Variants in POSTN observed in about 807,000 individuals in gnomAD.
POSTN encodes osteoblast specific factor 2 (fasciclin I-like).
POSTN carries 71 observed loss-of-function variants against 104.5 expected under a neutral mutation model. The observed-to-expected ratio is 0.68, with a 90% CI of 0.56 to 0.83. The LOEUF is 0.83. Ranked by LOEUF, POSTN falls within the 40% of genes least tolerant of loss-of-function variation. POSTN has a pLI of 0.00. For missense variants in POSTN, 949 were observed against 1,006.8 expected (o/e 0.94, Z 0.78); for synonymous variants, 355 against 340.7 (o/e 1.04, Z -0.46).
Position 37,563,386 on chromosome 13 carries a change from G to T in POSTN, c.2474-16C>A. On this transcript the variant is annotated splice_polypyrimidine_tract_variant and intron_variant, in intron 22 of 22. Transcript: ENST00000379747. ...CTTCTAGATCCTAATTAGAAAGAAA[G>T]GAGAATGTATAGACTGTAAATGTTA... The T allele has an allele frequency of 6.4e-7, 1 of 1,555,814 alleles. No individual in the cohort carries two copies. The highest frequency in any genetic ancestry group is 8.8e-7 in the Non-Finnish European group (1 of 1,134,828).
In POSTN at chr13:37,590,548, G is replaced by A; in HGVS notation, c.284-19C>T. On this transcript the variant is annotated intron_variant, in intron 3 of 22. Transcript: ENST00000379747. The stretch of plus-strand genomic sequence containing the variant: ...GGCAAAACTGAAATAATCAAGAAAT[G>A]AATCAGTACTGGGGATAATATTCTC... The A allele has an allele frequency of 6.2e-7, 1 of 1,600,330 alleles. No homozygotes were observed. The highest frequency in any genetic ancestry group is 8.6e-7 in the Non-Finnish European group (1 of 1,169,512).
chr13:37,579,035 T>A lies in POSTN; in HGVS notation c.1878A>T (p.Lys626Asn), dbSNP rs377577464. Residue 626 changes from lysine (K) to asparagine (N), a missense_variant, in exon 14 of 23, where the codon AAA becomes AAT. Physicochemically the swap from Lys to Asn is moderately conservative, Grantham distance 94. Coordinates refer to ENST00000379747, the MANE Select transcript of POSTN (RefSeq NM_006475.3). ...ATTACAAACCTGCTGGATAGAGGAG[T>A]TTATCTACAACATGAATTACACCAT... ...TTNGVIHVVD[K>N]LLYPADTPVG... 8 of 1,613,098 alleles carry A rather than the reference T, an allele frequency of 5.0e-6. No homozygotes were observed. Among genetic ancestry groups the A allele is most frequent in the African/African-American group, 1.3e-5 (1 of 74,840 alleles).
At chr13:37,571,921 A>G (rs191012118) in intron 17 of POSTN, among the ~76,000 whole-genome samples, 1 of 151,594 alleles carries the variant, frequency 6.6e-6, no homozygotes, top group African/African-American at 2.4e-5. Flanking sequence ...TTTTTGATCT[A>G]GTGGGTATAG....
chr13:37,587,426 G>A (rs9576309), intron 5 of POSTN, among the ~76,000 whole-genome samples: 44,278 of 152,032 alleles, frequency 0.29, 6,876 homozygotes, highest in Non-Finnish European at 0.35. Flanking sequence ...CTATGACCCT[G>A]TTGGCAGTTT....
At chr13:37,580,399 AG>A (rs1284868188) in intron 11 of POSTN, among the ~76,000 whole-genome samples, 161 bp downstream of exon 11, 2 of 152,250 alleles carry the variant, frequency 1.3e-5, no homozygotes, top group Non-Finnish European at 2.9e-5. Context: ...AGAAAGTAGC[AG>A]CGAAAACATA....
At position 37,597,548 on chromosome 13, in the gene POSTN, A is replaced by T. The variant is rs188399585; in HGVS notation, c.120-266T>A. On this transcript the variant is annotated intron_variant, in intron 1 of 22. Transcript: ENST00000379747. ...CTTTTCAAAAAGTTAACCAACTAGGACTATTCAAACAGTATGAACGTAATT... is the reference window on the plus strand; with the variant it reads ...CTTTTCAAAAAGTTAACCAACTAGGTCTATTCAAACAGTATGAACGTAATT... Among the ~76,000 whole-genome samples the T allele has an allele frequency of 1.2e-3, 188 of 152,288 alleles. 1 individual carries two copies. Among genetic ancestry groups the T allele is most frequent in the East Asian group, 9.6e-4 (5 of 5,182 alleles).
intron 22 of POSTN, among the ~76,000 whole-genome samples, chr13:37,563,707 G>A (rs1949995841): frequency 6.6e-6 from 1 of 152,022 alleles, no homozygotes; most frequent in Non-Finnish European, 1.5e-5. Flanking sequence ...TTGGTTTAAA[G>A]TAAGAAGTTC....
chr13:37,582,370 C>A lies in POSTN; in HGVS notation c.1388G>T (p.Arg463Leu). 1 of 1,608,068 alleles carries A rather than the reference C, an allele frequency of 6.2e-7. No homozygotes were observed. The highest frequency in any genetic ancestry group is 8.5e-7 in the Non-Finnish European group (1 of 1,178,398). ...GGKQLRVFVY[R>L]TAVCIENSCM... is the part of the protein sequence containing the mutation. ...ATTTTGTTGTGATTCACTTACTGTACGATATACGAAGACTCTGAGCTGTTT... is the reference window on the plus strand; with the variant it reads ...ATTTTGTTGTGATTCACTTACTGTAAGATATACGAAGACTCTGAGCTGTTT... Residue 463 changes from arginine (R) to leucine (L), a missense_variant, in exon 10 of 23, where the codon CGT (arginine) becomes CTT (leucine). Coordinates refer to ENST00000379747, the MANE Select transcript of POSTN (RefSeq NM_006475.3).
intron 4 of POSTN, among the ~76,000 whole-genome samples, chr13:37,588,610 C>T (rs986165685): frequency 1.4e-4 from 21 of 152,028 alleles, no homozygotes; most frequent in East Asian, 3.9e-4. Flanking sequence ...AACAGCTATT[C>T]GGAAGTAGTT....
intron 21 of POSTN, among the ~76,000 whole-genome samples, chr13:37,568,198 T>C (rs1022667311): frequency 1.3e-5 from 2 of 152,054 alleles, no homozygotes; most frequent in African/African-American, 4.8e-5. Context: ...GGGAGGAAAC[T>C]TGTATTTTTC....
At chr13:37,586,982 C>G (rs938844228) in intron 5 of POSTN, 54 bp from the exon 6 acceptor site, 1 of 1,538,260 alleles carries the variant, frequency 6.5e-7, no homozygotes. Context: ...CCATTGACCA[C>G]TGAGACTGCA....
intron 2 of POSTN, among the ~76,000 whole-genome samples, chr13:37,596,912 C>T (rs900073798): frequency 9.2e-5 from 14 of 152,170 alleles, no homozygotes; most frequent in Non-Finnish European, 2.9e-5. Flanking sequence ...TTTACTCACA[C>T]GGATTCTATA....
intron 9 of POSTN, among the ~76,000 whole-genome samples, chr13:37,582,799 G>C (rs1279414774): frequency 6.6e-6 from 1 of 152,154 alleles, no homozygotes; most frequent in Non-Finnish European, 1.5e-5. Flanking sequence ...GTGGTCACTG[G>C]CAAATGCTAA....
chr13:37,581,152 T>A (rs1489621053), intron 10 of POSTN, among the ~76,000 whole-genome samples: 1 of 152,194 alleles, frequency 6.6e-6, no homozygotes, highest in African/African-American at 2.4e-5. Context: ...GACATATTCA[T>A]AGCTTTTTGA....
At chr13:37,588,620 T>C (rs963603063) in intron 4 of POSTN, among the ~76,000 whole-genome samples, 1 of 152,116 alleles carries the variant, frequency 6.6e-6, no homozygotes, top group Non-Finnish European at 1.5e-5. Flanking sequence ...CGGAAGTAGT[T>C]TGGAGATAGA....
rs1168501482 is a variant in POSTN, at chr13:37,569,306, G to A, written c.2425C>T (p.Gln809Ter). 6.2e-7 allele frequency: 1 copy of A among 1,610,958 alleles called. No individual in the cohort carries two copies. The highest frequency in any genetic ancestry group is 2.2e-5 in the East Asian group (1 of 44,742). ...FEDEEIKRLL[Q>*]GDTPVRKLQA... The stretch of plus-strand genomic sequence containing the variant: ...TTGTTGTCCTTTTACTAACCTCCCT[G>A]AAGCAGTCTTTTAATTTCTTCATCT... The change falls in exon 21 of 23, where the codon CAG (glutamine) becomes TAG (stop). Residue 809 changes from glutamine (Q) to a stop codon, truncating the protein, a stop_gained. Transcript: ENST00000379747. LOFTEE classifies it high-confidence loss of function.
chr13:37,597,068 T>C (rs1342934245), intron 2 of POSTN, 116 bp downstream of exon 2: 2 of 579,536 alleles, frequency 3.5e-6, no homozygotes, highest in African/African-American at 3.9e-5. Flanking sequence ...TTTAAATAAC[T>C]CTCACAATTT....
Position 37,570,572 on chromosome 13 carries a change from A to G in POSTN, c.2269+8T>C. ...AGGCATAGATCCATGTATGGAATTAATGGCTACCTGTAATGATTCGTTCTT... is the reference window on the plus strand; with the variant it reads ...AGGCATAGATCCATGTATGGAATTAGTGGCTACCTGTAATGATTCGTTCTT... On this transcript the variant is annotated splice_region_variant and intron_variant, in intron 19 of 22. Transcript: ENST00000379747. The G allele has an allele frequency of 6.4e-7, 1 of 1,556,858 alleles. No individual in the cohort carries two copies. The highest frequency in any genetic ancestry group is 1.7e-5 in the Admixed American group (1 of 59,808).
rs1281161009 is a variant in POSTN, at chr13:37,570,629, C to T, written c.2220G>A (p.Val740=). 2 of 1,609,282 alleles carry T rather than the reference C, an allele frequency of 1.2e-6. No individual in the cohort carries two copies. Among genetic ancestry groups the T allele is most frequent in the South Asian group, 1.1e-5 (1 of 90,920 alleles). ...TCTCTTTTTCAGTTATTTCCACAGG[C>T]ACTCCATCAATGATTTTGGTGTATT... ...IKKYTKIIDG[V]PVEITEKETR... The change falls in exon 19 of 23, where the codon GTG becomes GTA. Residue 740 remains valine, a synonymous_variant. Transcript: ENST00000379747.
Sources: allele counts gnomAD v4.1 joint callset (sites outside exome capture counted in the v4.1 genomes callset), GRCh38; gene constraint gnomAD v4.1.1; transcripts MANE v1.5; gene names NCBI Gene and HGNC (gene_info 2026-07-23, HGNC 2026-07-21).